The following PRKAR1B variants were observed in gnomAD, a reference collection of about 807,000 sequenced individuals.
The protein encoded by PRKAR1B is cAMP-dependent protein kinase type I-beta regulatory subunit.
Under a neutral mutation model 46.5 loss-of-function variants are expected in PRKAR1B, and 22 were observed. The ratio of observed to expected loss-of-function variants is 0.47; its 90% CI spans 0.34 to 0.68. PRKAR1B has a LOEUF of 0.68. PRKAR1B is among the 30% of genes least tolerant of loss of function. PRKAR1B has a pLI of 0.01. For synonymous variants in PRKAR1B, 259 were observed against 217.7 expected, an observed-to-expected ratio of 1.19 and a Z score of -1.67; for missense variants, 445 against 535.6, an observed-to-expected ratio of 0.83 and a Z score of 1.67.
At chr7:653,077 C>A (rs1015543343) in intron 4 of PRKAR1B, among the ~76,000 whole-genome samples, 3 of 152,210 alleles carry the variant, frequency 2.0e-5, no homozygotes, top group African/African-American at 7.2e-5. Context: ...CCAAGAAGGA[C>A]CCGCTCCCAG....
chr7:698,423 C>T (rs895625284), intron 2 of PRKAR1B, among the ~76,000 whole-genome samples: 14 of 152,024 alleles, frequency 9.2e-5, no homozygotes, highest in Admixed American at 1.3e-4. Context: ...TAGGAAAGTA[C>T]GTGTGCATGT....
At chr7:607,670 C>A (rs1782178685) in intron 4 of PRKAR1B, among the ~76,000 whole-genome samples, 1 of 152,244 alleles carries the variant, frequency 6.6e-6, no homozygotes, top group East Asian at 1.9e-4. Context: ...AGCCCCATTT[C>A]TGTTCTGTGC....
intron 9 of PRKAR1B, among the ~76,000 whole-genome samples, chr7:559,459 T>C (rs776838366): frequency 4.0e-5 from 6 of 151,878 alleles, no homozygotes; most frequent in Non-Finnish European, 7.4e-5. Context: ...TGGTCGCACT[T>C]CCCCATGCCC....
In PRKAR1B at chr7:550,381, G is replaced by A; in HGVS notation, c.*49C>T. The A allele has an allele frequency of 6.5e-7, 1 of 1,536,204 alleles. No homozygotes were observed. The highest frequency in any genetic ancestry group is 8.8e-7 in the Non-Finnish European group (1 of 1,132,942). On this transcript the variant is annotated 3_prime_UTR_variant, in exon 11 of 11. Coordinates refer to ENST00000537384, the MANE Select transcript of PRKAR1B (RefSeq NM_001164760.2). The stretch of plus-strand genomic sequence containing the variant: ...CCGGGCCCCCGACACAGACGAGCAG[G>A]GCACGGCCACCACACTGGGGAGCTG...
intron 2 of PRKAR1B, among the ~76,000 whole-genome samples, chr7:710,807 C>A (rs570691781): frequency 2.0e-5 from 3 of 152,184 alleles, no homozygotes; most frequent in Admixed American, 2.0e-4. Context: ...CCACACCCAA[C>A]TAATTTTTGT....
chr7:588,750 G>GA (rs1562542178), intron 7 of PRKAR1B, among the ~76,000 whole-genome samples: 1 of 7,748 alleles, frequency 1.3e-4, no homozygotes, highest in Admixed American at 1.4e-3. Context: ...AGTGGTGATG[G>GA]TGATGGTGAT....
chr7:660,503 C>A (rs143633905), intron 4 of PRKAR1B, among the ~76,000 whole-genome samples: 2 of 112,434 alleles, frequency 1.8e-5, no homozygotes, highest in East Asian at 3.2e-4. Context: ...CCCAACAGAT[C>A]CAAATACCTA....
chr7:648,349 C>T (rs1326783433), intron 4 of PRKAR1B, among the ~76,000 whole-genome samples: 2 of 152,002 alleles, frequency 1.3e-5, no homozygotes, highest in African/African-American at 4.8e-5. Context: ...TGGTGGCTCA[C>T]GTCTGTCATC....
chr7:673,293 G>C (rs754139193), intron 4 of PRKAR1B, among the ~76,000 whole-genome samples: 3 of 152,010 alleles, frequency 2.0e-5, no homozygotes, highest in Non-Finnish European at 4.4e-5. Context: ...GTTCAAAAAC[G>C]ACATTTCAAT....
At chr7:573,520 G>A (rs748332823) in intron 9 of PRKAR1B, among the ~76,000 whole-genome samples, 6 of 152,134 alleles carry the variant, frequency 3.9e-5, no homozygotes, top group Non-Finnish European at 7.3e-5. Flanking sequence ...ACCCCTCCTG[G>A]GGACTCTGCA....
chr7:681,615 C>T (rs1317149921), intron 2 of PRKAR1B, among the ~76,000 whole-genome samples: 1 of 152,010 alleles, frequency 6.6e-6, no homozygotes, highest in African/African-American at 2.4e-5. Context: ...GAAGTTGAGC[C>T]CCGAGTCACC....
intron 9 of PRKAR1B, among the ~76,000 whole-genome samples, chr7:569,433 C>T (rs962304946): frequency 7.9e-5 from 12 of 152,222 alleles, no homozygotes; most frequent in African/African-American, 2.2e-4. Context: ...AAGCTCTCCC[C>T]GGCCCCCAAG....
chr7:726,896 A>C, intron 1 of PRKAR1B: 1 of 1,342,760 alleles, frequency 7.4e-7, no homozygotes, highest in East Asian at 3.3e-5. Context: ...GCGCTGGAGG[A>C]GCCAGGCCCT....
intron 9 of PRKAR1B, among the ~76,000 whole-genome samples, chr7:572,688 G>C (rs1010346014): frequency 7.9e-5 from 12 of 152,356 alleles, no homozygotes; most frequent in African/African-American, 2.6e-4. Flanking sequence ...GACTGGGCCA[G>C]CCCTCACTGG....
At chr7:592,634 C>T (rs946761453) in intron 7 of PRKAR1B, among the ~76,000 whole-genome samples, 2 of 152,256 alleles carry the variant, frequency 1.3e-5, no homozygotes, top group Non-Finnish European at 1.5e-5. Context: ...CTGGATACCC[C>T]AGCACAGCCT....
chr7:636,421 CACG>C (rs1784103011), intron 4 of PRKAR1B, among the ~76,000 whole-genome samples: 2 of 81,362 alleles, frequency 2.5e-5, no homozygotes, highest in Non-Finnish European at 5.7e-5. Flanking sequence ...GCCGCGCCCA[CACG>C]TCCTCCACCG....
chr7:673,045 T>TAAAAAA (rs992683667), intron 4 of PRKAR1B, among the ~76,000 whole-genome samples: 943 of 26,538 alleles, frequency 0.036, 308 homozygotes, highest in South Asian at 0.065. Flanking sequence ...GCCTTGTCTT[T>TAAAAAA]AAAAAAAAAA....
intron 4 of PRKAR1B, among the ~76,000 whole-genome samples, chr7:630,217 G>A (rs1052322489): frequency 1.2e-4 from 19 of 152,226 alleles, no homozygotes; most frequent in Admixed American, 1.1e-3. Flanking sequence ...TGTGGAGGGG[G>A]CTGGGCCAGG....
rs1229740071 is a variant in PRKAR1B at position 579,261 on chromosome 7, T to C, written c.886A>G (p.Thr296Ala). 1 of 1,614,108 alleles carries C rather than the reference T, an allele frequency of 6.2e-7. No individual in the cohort carries two copies. Among genetic ancestry groups the C allele is most frequent in the Non-Finnish European group, 8.5e-7 (1 of 1,180,012 alleles). The change falls in exon 9 of 11, where the codon ACG becomes GCG. Residue 296 changes from threonine (T) to alanine (A), a missense_variant. Thr to Ala is a moderately conservative substitution (Grantham distance 58, BLOSUM62 0). Coordinates refer to ENST00000537384, the MANE Select transcript of PRKAR1B (RefSeq NM_001164760.2). ...GEPGDDFYII[T>A]EGTASVLQRR... ...ACGTGGGAAGCACGTCTCACCTCCG[T>C]GATGATGTAAAAGTCGTCCCCAGGC...
Sources: allele counts gnomAD v4.1 joint callset (sites outside exome capture counted in the v4.1 genomes callset), GRCh38; gene constraint gnomAD v4.1.1; transcripts MANE v1.5; gene names NCBI Gene and HGNC (gene_info 2026-07-23, HGNC 2026-07-21).